The following IFT80 variants were observed in gnomAD, a reference collection of about 807,000 sequenced individuals.
The protein encoded by IFT80 is intraflagellar transport protein 80 homolog.
IFT80 carries 79 observed loss-of-function variants against 107.9 expected under a neutral mutation model. That is an observed-to-expected ratio of 0.73 (90% CI 0.61 to 0.88). IFT80 has a LOEUF of 0.88. IFT80 is among the 40% of genes least tolerant of loss of function. IFT80 has a pLI of 0.00. For synonymous variants in IFT80, 299 were observed against 300.9 expected (o/e 0.99, Z 0.07); for missense variants, 797 against 914.2 (o/e 0.87, Z 1.65).
chr3:160,317,442 C>G (rs1465343322), intron 9 of IFT80, among the ~76,000 whole-genome samples: 5 of 152,022 alleles, frequency 3.3e-5, no homozygotes, highest in Admixed American at 2.0e-4. Flanking sequence ...AGGATAATTC[C>G]TTCTTATTAT....
chr3:160,295,132 T>C (rs1171510517), intron 12 of IFT80, among the ~76,000 whole-genome samples: 1 of 152,174 alleles, frequency 6.6e-6, no homozygotes, highest in Non-Finnish European at 1.5e-5. Flanking sequence ...CTCAATGTAA[T>C]TAATCATCAA....
intron 19 of IFT80, among the ~76,000 whole-genome samples, chr3:160,262,878 C>T (rs1172342522): frequency 1.3e-5 from 2 of 152,162 alleles, no homozygotes; most frequent in African/African-American, 4.8e-5. Context: ...AGCTTTCTAA[C>T]ACTTTCCCTA....
chr3:160,283,674 GTCATCA>G (rs1248010015), intron 13 of IFT80, among the ~76,000 whole-genome samples: 1 of 151,940 alleles, frequency 6.6e-6, no homozygotes, highest in Non-Finnish European at 1.5e-5. Context: ...GCTTATCATC[GTCATCA>G]TCATCATCAG....
intron 1 of IFT80, among the ~76,000 whole-genome samples, chr3:160,391,167 C>T (rs545380098): frequency 9.8e-5 from 15 of 152,298 alleles, no homozygotes; most frequent in Middle Eastern, 3.4e-3. Flanking sequence ...TACACTGCTG[C>T]TTCAATAAAA....
intron 12 of IFT80, among the ~76,000 whole-genome samples, chr3:160,286,259 G>A (rs1409307232): frequency 6.6e-6 from 1 of 152,166 alleles, no homozygotes; most frequent in Non-Finnish European, 1.5e-5. Flanking sequence ...ACTCACAAAA[G>A]GCAGATTAAT....
intron 5 of IFT80, among the ~76,000 whole-genome samples, chr3:160,374,587 G>T (rs1225416692): frequency 6.6e-6 from 1 of 152,134 alleles, no homozygotes; most frequent in African/African-American, 2.4e-5. Flanking sequence ...TGTCTCAGTA[G>T]TAACAGCAGC....
chr3:160,385,057 G>A (rs1712818964), intron 1 of IFT80, among the ~76,000 whole-genome samples: 1 of 152,198 alleles, frequency 6.6e-6, no homozygotes, highest in African/African-American at 2.4e-5. Context: ...AATCCATGTG[G>A]AAAAATACAA....
At chr3:160,397,612 A>T (rs914164421) in intron 1 of IFT80, among the ~76,000 whole-genome samples, 1 of 152,168 alleles carries the variant, frequency 6.6e-6, no homozygotes, top group African/African-American at 2.4e-5. Flanking sequence ...ACTGTCAAGC[A>T]TATACCTAAA....
At chr3:160,273,313 G>A (rs1713971905) in intron 18 of IFT80, among the ~76,000 whole-genome samples, 1 of 152,180 alleles carries the variant, frequency 6.6e-6, no homozygotes, top group African/African-American at 2.4e-5. Context: ...TGAATCAGAG[G>A]TCAAGAGTGA....
intron 15 of IFT80, 83 bp from the exon 16 acceptor site, chr3:160,279,447 C>A: frequency 9.3e-7 from 1 of 1,071,862 alleles, no homozygotes; most frequent in Admixed American, 1.9e-5. Context: ...GGGAGTGGAC[C>A]GTGAAATACA....
chr3:160,311,315 A>T (rs1270881558), intron 9 of IFT80, among the ~76,000 whole-genome samples: 1 of 152,226 alleles, frequency 6.6e-6, no homozygotes, highest in Non-Finnish European at 1.5e-5. Flanking sequence ...AATTAAATGC[A>T]ATGTGGGGCT....
chr3:160,293,122 T>G (rs1244005389), intron 12 of IFT80, among the ~76,000 whole-genome samples: 2 of 152,184 alleles, frequency 1.3e-5, no homozygotes, highest in African/African-American at 4.8e-5. Context: ...AAGTAAAATA[T>G]TACATTAATG....
intron 12 of IFT80, among the ~76,000 whole-genome samples, chr3:160,289,714 G>A (rs576961510): frequency 1.3e-5 from 2 of 152,296 alleles, no homozygotes; most frequent in East Asian, 3.9e-4. Context: ...ATGGCAACAA[G>A]AAACCTGACC....
chr3:160,317,026 T>G (rs1428340107), intron 9 of IFT80, among the ~76,000 whole-genome samples: 1 of 152,196 alleles, frequency 6.6e-6, no homozygotes, highest in Non-Finnish European at 1.5e-5. Context: ...CTCTTCATTT[T>G]TCACTTTAAA....
intron 3 of IFT80, among the ~76,000 whole-genome samples, chr3:160,380,943 A>T (rs1476788870): frequency 3.3e-5 from 5 of 151,972 alleles, no homozygotes; most frequent in Non-Finnish European, 7.4e-5. Context: ...AGTACTAAAA[A>T]AGTAAAGCCA....
At chr3:160,279,724 A>T (rs1714543113) in intron 15 of IFT80, among the ~76,000 whole-genome samples, 1 of 152,200 alleles carries the variant, frequency 6.6e-6, no homozygotes, top group Non-Finnish European at 1.5e-5. Flanking sequence ...TTTAGCTTTT[A>T]AAAGTATTAA....
chr3:160,332,551 C>A (rs887013236), intron 8 of IFT80, among the ~76,000 whole-genome samples: 4 of 152,112 alleles, frequency 2.6e-5, no homozygotes, highest in Non-Finnish European at 5.9e-5. Flanking sequence ...CCTTATCTAT[C>A]TAGAAGATGA....
intron 8 of IFT80, among the ~76,000 whole-genome samples, chr3:160,320,586 T>C (rs1210184974): frequency 6.6e-6 from 1 of 151,882 alleles, no homozygotes; most frequent in African/African-American, 2.4e-5. Context: ...AAACAAACTT[T>C]TTAATACATG....
intron 5 of IFT80, among the ~76,000 whole-genome samples, chr3:160,366,852 A>G (rs1559963865): frequency 6.6e-6 from 1 of 151,952 alleles, no homozygotes; most frequent in Non-Finnish European, 1.5e-5. Context: ...TTGTGTTATC[A>G]AATACTAGGC....
Sources: gnomAD v4.1 joint callset for allele counts (sites outside exome capture counted in the v4.1 genomes callset) on GRCh38, gnomAD v4.1.1 for gene constraint, MANE v1.5 for transcripts, NCBI Gene and HGNC (gene_info 2026-07-23, HGNC 2026-07-21) for gene names.